Variants in PDE3A observed in about 807,000 individuals in gnomAD.
PDE3A encodes cGMP-inhibited 3',5'-cyclic phosphodiesterase 3A.
In PDE3A, 43 loss-of-function variants were observed where a neutral mutation model predicts 98.3. The observed-to-expected ratio is 0.44, with a 90% CI of 0.34 to 0.56. The LOEUF is 0.56. PDE3A is among the 20% of genes least tolerant of loss of function. The probability of loss-of-function intolerance (pLI) is 0.01; values close to 1 mark genes in which losing one functional copy is unlikely to be tolerated. For missense variants in PDE3A, 1,427 were observed against 1,440.7 expected (o/e 0.99, Z 0.15); for synonymous variants, 663 against 567.9 (o/e 1.17, Z -2.38).
At chr12:20,488,368 T>A (rs1366874732) in intron 1 of PDE3A, among the ~76,000 whole-genome samples, 2 of 152,216 alleles carry the variant, frequency 1.3e-5, no homozygotes, top group Admixed American at 1.3e-4. Context: ...TTCTTGATAT[T>A]TATTTTTAAG....
At chr12:20,417,909 A>G (rs1308423609) in intron 1 of PDE3A, among the ~76,000 whole-genome samples, 2 of 152,248 alleles carry the variant, frequency 1.3e-5, no homozygotes, top group East Asian at 3.8e-4. Context: ...AGTAACAACA[A>G]TAACAGTTGT....
chr12:20,369,930 G>T lies in PDE3A; in HGVS notation c.646G>T (p.Ala216Ser), dbSNP rs1226751980. The T allele has an allele frequency of 6.2e-6, 10 of 1,613,446 alleles. No individual in the cohort carries two copies. The South Asian group carries it at 9.9e-5, about 16-fold the overall frequency. The change falls in exon 1 of 16, where the codon GCC becomes TCC. Residue 216 changes from alanine to serine, a missense_variant. By Grantham distance (99) the Ala-to-Ser change is moderately conservative. Coordinates refer to ENST00000359062, the MANE Select transcript of PDE3A (RefSeq NM_000921.5). ...GCTGAGGCTGGGCGTCCTCATGATC[G>T]CCTTGACTAGCGCGGTCAGGACCGT... ...LRLRLGVLMI[A>S]LTSAVRTVSL...
chr12:20,561,409 GAATA>G (rs1042045993), intron 2 of PDE3A, among the ~76,000 whole-genome samples: 3 of 152,212 alleles, frequency 2.0e-5, no homozygotes, highest in African/African-American at 7.2e-5. Context: ...AAAACATATG[GAATA>G]AATATTGTTT....
chr12:20,372,567 T>G (rs1334799599), intron 1 of PDE3A, among the ~76,000 whole-genome samples: 1 of 152,130 alleles, frequency 6.6e-6, no homozygotes, highest in Non-Finnish European at 1.5e-5. Context: ...GTGTGAAAAG[T>G]TCAGGAGCTA....
intron 1 of PDE3A, among the ~76,000 whole-genome samples, chr12:20,400,498 C>T (rs1438663580): frequency 1.3e-5 from 2 of 148,276 alleles, no homozygotes; most frequent in African/African-American, 5.1e-5. Flanking sequence ...GCTCCACCTC[C>T]CTGGTTCACA....
intron 1 of PDE3A, among the ~76,000 whole-genome samples, chr12:20,516,986 G>T (rs1051216887): frequency 1.3e-5 from 2 of 152,148 alleles, no homozygotes; most frequent in African/African-American, 4.8e-5. Context: ...TCTTTGTACA[G>T]ATGGGAAAAA....
chr12:20,611,219 A>G (rs1175065044), intron 2 of PDE3A, among the ~76,000 whole-genome samples: 4 of 75,014 alleles, frequency 5.3e-5, no homozygotes, highest in African/African-American at 1.8e-4. Flanking sequence ...TTAGCTCAGA[A>G]AAATAAAATT....
chr12:20,550,298 T>G (rs1007305259), intron 1 of PDE3A, among the ~76,000 whole-genome samples: 14 of 152,184 alleles, frequency 9.2e-5, no homozygotes, highest in African/African-American at 3.4e-4. Context: ...TTCCAGAAGA[T>G]TTTGATAAAT....
rs769556744 is a variant in PDE3A, at chr12:20,369,628, C to A, written c.344C>A (p.Pro115His). 6.3e-7 allele frequency: 1 copy of A among 1,586,402 alleles called. No individual in the cohort carries two copies. The highest frequency in any genetic ancestry group is 8.6e-7 in the Non-Finnish European group (1 of 1,167,030). Residue 115 changes from proline (P) to histidine (H), a missense_variant, in exon 1 of 16, where the codon CCT becomes CAT. Pro to His is a moderately conservative substitution (Grantham distance 77). This residue lies in a region of PDE3A where 1,012 missense variants were observed against 886.5 expected (regional missense o/e 1.14). Coordinates refer to ENST00000359062, the MANE Select transcript of PDE3A (RefSeq NM_000921.5). ...PGAEGGVFPG[P>H]RGGAPGGGAR... Reference sequence around the variant, plus strand: ...GCAGAAGGGGGCGTCTTCCCGGGGCCTCGGGGAGGTGCTCCCGGGGGCGGT... The same window carrying A: ...GCAGAAGGGGGCGTCTTCCCGGGGCATCGGGGAGGTGCTCCCGGGGGCGGT...
At chr12:20,491,180 T>G (rs912566914) in intron 1 of PDE3A, among the ~76,000 whole-genome samples, 1 of 152,234 alleles carries the variant, frequency 6.6e-6, no homozygotes, top group African/African-American at 2.4e-5. Context: ...ATGGCATCTT[T>G]GCCGATTCAG....
rs186627146 is a variant in PDE3A at position 20,615,400 on chromosome 12, C to G, written c.1270-830C>G. On this transcript the variant is annotated intron_variant, in intron 3 of 15. Transcript: ENST00000359062. ...TTGACACTGATGACATTACCCATAT[C>G]TCTGTTGTCTAAGTTACATTAATCA... Among the ~76,000 whole-genome samples the G allele has an allele frequency of 2.6e-5, 4 of 152,226 alleles. No homozygotes were observed. The East Asian group carries it at 7.7e-4, about 29-fold the overall frequency.
chr12:20,417,544 G>T (rs984579829), intron 1 of PDE3A, among the ~76,000 whole-genome samples: 2 of 152,140 alleles, frequency 1.3e-5, no homozygotes, highest in African/African-American at 2.4e-5. Context: ...TCTGGCAAAG[G>T]TTGTTTAAAA....
intron 7 of PDE3A, 37 bp from the exon 8 acceptor site, chr12:20,634,865 G>A: frequency 6.5e-7 from 1 of 1,540,924 alleles, no homozygotes; most frequent in East Asian, 2.3e-5. Flanking sequence ...TTTCCCCATT[G>A]TAGATCTTGT....
chr12:20,635,588 AAAAG>A lies in PDE3A; in HGVS notation c.2001+544_2001+547del, dbSNP rs1385136840. On this transcript the variant is annotated intron_variant, in intron 8 of 15. Coordinates refer to ENST00000359062, the MANE Select transcript of PDE3A (RefSeq NM_000921.5). The stretch of plus-strand genomic sequence containing the variant: ...GGGAGACTCTGTCTCAAAAAAAAAA[AAAAG>A]AAAGAAAGAAATTACCCAGGCATGG... Among the ~76,000 whole-genome samples the A allele has an allele frequency of 2.0e-5, 3 of 149,058 alleles. 1 individual carries two copies. The highest frequency in any genetic ancestry group is 1.3e-4 in the Admixed American group (2 of 15,066).
intron 2 of PDE3A, among the ~76,000 whole-genome samples, chr12:20,576,593 T>C (rs775521764): frequency 2.2e-4 from 34 of 152,236 alleles, no homozygotes; most frequent in Non-Finnish European, 3.2e-4. Context: ...CTATATCCAC[T>C]ACTAGCAATA....
chr12:20,624,785 G>A (rs1018009061), intron 5 of PDE3A, among the ~76,000 whole-genome samples: 1 of 152,232 alleles, frequency 6.6e-6, no homozygotes, highest in East Asian at 1.9e-4. Context: ...CTAATCAGAT[G>A]GGCCCTTCTG....
Position 20,405,724 on chromosome 12 carries a change from G to A in PDE3A, c.960+35480G>A, listed in dbSNP as rs1944220457. Among the ~76,000 whole-genome samples, 4 of 152,150 alleles carry A rather than the reference G, an allele frequency of 2.6e-5. No homozygotes were observed. In the South Asian group the frequency reaches 8.3e-4, roughly 32 times the overall value. On this transcript the variant is annotated intron_variant, in intron 1 of 15. Coordinates refer to ENST00000359062, the MANE Select transcript of PDE3A (RefSeq NM_000921.5). ...TCGATCATAGTTACCTGTGTGTGGT[G>A]GAGTTAGGGGGTGGTGGCGACCATA...
chr12:20,413,433 T>C (rs1184072207), intron 1 of PDE3A, among the ~76,000 whole-genome samples: 3 of 152,126 alleles, frequency 2.0e-5, no homozygotes, highest in African/African-American at 7.2e-5. Context: ...AAAAGTGGGC[T>C]GAGGAAGGGG....
intron 13 of PDE3A, among the ~76,000 whole-genome samples, chr12:20,649,227 G>A (rs1262485122): frequency 3.3e-5 from 5 of 152,098 alleles, no homozygotes; most frequent in East Asian, 1.9e-4. Context: ...CACCGTGCCC[G>A]GCTGCATCAG....
Sources: allele counts gnomAD v4.1 joint callset (sites outside exome capture counted in the v4.1 genomes callset), GRCh38; gene constraint gnomAD v4.1.1; regional missense constraint gnomAD v4.1.1; transcripts MANE v1.5; gene names NCBI Gene and HGNC (gene_info 2026-07-23, HGNC 2026-07-21).